Variants in XKR9 observed in about 807,000 individuals in gnomAD.
XKR9 encodes XK-related protein 9.
A neutral mutation model predicts 32.0 loss-of-function variants in XKR9; 32 were observed. That is an observed-to-expected ratio of 1.00 (90% CI 0.76 to 1.34). The LOEUF is 1.34. Among genes scored for constraint, XKR9 ranks in the 40% most tolerant of loss-of-function variants. The pLI is 0.00. For synonymous variants in XKR9, 168 were observed against 143.4 expected (o/e 1.17, Z -1.22); for missense variants, 546 against 429.7 (o/e 1.27, Z -2.39).
intron 2 of XKR9, among the ~76,000 whole-genome samples, chr8:70,743,022 C>T (rs1306031476): frequency 1.2e-4 from 18 of 151,770 alleles, no homozygotes; most frequent in Admixed American, 1.2e-3. Flanking sequence ...TCTTCTTTAT[C>T]TTCTTGGAGT....
At chr8:71,049,332 A>G in the XKR9 span, among the ~76,000 whole-genome samples, 1 of 152,236 alleles carries the variant, frequency 6.6e-6, no homozygotes. Context: ...ACATGCTTGA[A>G]TGCACACACA....
At chr8:70,927,727 T>C in the XKR9 span, among the ~76,000 whole-genome samples, 1 of 152,184 alleles carries the variant, frequency 6.6e-6, no homozygotes, top group East Asian at 1.9e-4. Context: ...ACCACCACAC[T>C]GAAAATTAAG....
At chr8:70,683,283 A>G (rs1819146911) in intron 3 of XKR9, among the ~76,000 whole-genome samples, 1 of 152,198 alleles carries the variant, frequency 6.6e-6, no homozygotes, top group African/African-American at 2.4e-5. Flanking sequence ...CCTCAAAACA[A>G]TATAATTCGA....
chr8:70,983,134 C>A, the XKR9 span, among the ~76,000 whole-genome samples: 48,434 of 151,986 alleles, frequency 0.32, 9,042 homozygotes, highest in Non-Finnish European at 0.43. Context: ...ATTCTCATCT[C>A]GAATGCACAA....
the XKR9 span, among the ~76,000 whole-genome samples, chr8:70,905,295 A>G: frequency 6.6e-6 from 1 of 152,050 alleles, no homozygotes; most frequent in African/African-American, 2.4e-5. Flanking sequence ...ATAGTCCCAT[A>G]TTTCTTGGAG....
chr8:70,927,827 G>T, the XKR9 span, among the ~76,000 whole-genome samples: 7 of 152,120 alleles, frequency 4.6e-5, no homozygotes, highest in South Asian at 6.2e-4. Flanking sequence ...TTTCTATCCT[G>T]ATTGCCTATG....
chr8:70,884,537 G>A, the XKR9 span, among the ~76,000 whole-genome samples: 1 of 152,072 alleles, frequency 6.6e-6, no homozygotes, highest in South Asian at 2.1e-4. Context: ...GACCCATTTT[G>A]AGTTAATTTT....
chr8:70,840,459 G>A, the XKR9 span, among the ~76,000 whole-genome samples: 1 of 152,208 alleles, frequency 6.6e-6, no homozygotes, highest in African/African-American at 2.4e-5. Flanking sequence ...AATAGTGATT[G>A]TGTTATTTTC....
At chr8:70,890,992 G>A in the XKR9 span, among the ~76,000 whole-genome samples, 2 of 151,886 alleles carry the variant, frequency 1.3e-5, no homozygotes, top group Non-Finnish European at 2.9e-5. Flanking sequence ...TTCTGTTCAG[G>A]CTTTCTATTT....
At chr8:70,882,217 A>G in the XKR9 span, among the ~76,000 whole-genome samples, 3 of 152,128 alleles carry the variant, frequency 2.0e-5, no homozygotes, top group African/African-American at 7.2e-5. Context: ...CTATGTATCA[A>G]ACTTGCACAT....
At chr8:70,716,516 C>A (rs765773060) in intron 4 of XKR9, among the ~76,000 whole-genome samples, 1 of 152,000 alleles carries the variant, frequency 6.6e-6, no homozygotes, top group African/African-American at 2.4e-5. Flanking sequence ...AGAATGAGAG[C>A]CGAATGAAGG....
chr8:70,983,695 C>T, the XKR9 span, among the ~76,000 whole-genome samples: 3 of 151,956 alleles, frequency 2.0e-5, no homozygotes, highest in Non-Finnish European at 2.9e-5. Context: ...GCAGGAGAAT[C>T]GCTTGAACCC....
chr8:70,906,041 T>A, the XKR9 span, among the ~76,000 whole-genome samples: 1 of 152,206 alleles, frequency 6.6e-6, no homozygotes, highest in Non-Finnish European at 1.5e-5. Context: ...CGGCCACTAC[T>A]GGGAGGCATC....
chr8:70,990,558 A>C, the XKR9 span, among the ~76,000 whole-genome samples: 1 of 152,190 alleles, frequency 6.6e-6, no homozygotes. Flanking sequence ...AATATCTGAA[A>C]TGTTATTCTG....
chr8:70,706,791 AC>A (rs1805730722), intron 3 of XKR9, 141 bp from the exon 4 acceptor site: 4 of 673,800 alleles, frequency 5.9e-6, no homozygotes, highest in Admixed American at 3.0e-5. Context: ...TGAGATGTTC[AC>A]AAAAAATCTG....
In XKR9 at chr8:70,702,501, C is replaced by T. The variant is rs1000856678; in HGVS notation, c.273-4432C>T. ...TTGATATTTTTAAGGTCTCCTTTTC[C>T]TTTCAATTACTGAGAGGTGATAAAA... is the stretch of plus-strand genomic sequence containing the variant. On this transcript the variant is annotated intron_variant, in intron 3 of 4. Coordinates refer to ENST00000408926, the MANE Select transcript of XKR9 (RefSeq NM_001011720.2). Among the ~76,000 whole-genome samples the T allele has an allele frequency of 8.5e-5, 13 of 152,136 alleles. 1 individual carries two copies. Among genetic ancestry groups the T allele is most frequent in the African/African-American group, 2.9e-4 (12 of 41,516 alleles).
At chr8:70,860,326 C>A in the XKR9 span, among the ~76,000 whole-genome samples, 1 of 151,986 alleles carries the variant, frequency 6.6e-6, no homozygotes, top group Non-Finnish European at 1.5e-5. Flanking sequence ...TCTCTTTATG[C>A]CATGTGAAGA....
At chr8:70,838,238 G>A in the XKR9 span, among the ~76,000 whole-genome samples, 51 of 152,068 alleles carry the variant, frequency 3.4e-4, no homozygotes, top group African/African-American at 1.2e-3. Context: ...TTTTATAATC[G>A]TTGTCTTTTT....
the XKR9 span, among the ~76,000 whole-genome samples, chr8:70,845,126 T>G: frequency 6.6e-6 from 1 of 152,178 alleles, no homozygotes; most frequent in Non-Finnish European, 1.5e-5. Flanking sequence ...CACCACAGCC[T>G]CTATTAACAA....
Sources: gnomAD v4.1 joint callset for allele counts (sites outside exome capture counted in the v4.1 genomes callset) on GRCh38, gnomAD v4.1.1 for gene constraint, MANE v1.5 for transcripts, NCBI Gene and HGNC (gene_info 2026-07-23, HGNC 2026-07-21) for gene names.